KCNH5: variants seen among roughly 807,000 people sequenced by gnomAD.
KCNH5 encodes voltage-gated delayed rectifier potassium channel KCNH5.
In KCNH5, 46 loss-of-function variants were observed where a neutral mutation model predicts 96.1. The observed-to-expected ratio is 0.48, with a 90% CI of 0.38 to 0.61. KCNH5 has a LOEUF of 0.61. Among genes scored for constraint, KCNH5 ranks in the 20% least tolerant of loss-of-function variants. The pLI is 0.00. For missense variants in KCNH5, 907 were observed against 1,225.8 expected (o/e 0.74, Z 3.88); for synonymous variants, 439 against 449.8 (o/e 0.98, Z 0.30).
intron 6 of KCNH5, among the ~76,000 whole-genome samples, chr14:62,961,992 T>C (rs1486510633): frequency 1.3e-5 from 2 of 150,766 alleles, no homozygotes; most frequent in African/African-American, 2.5e-5. Context: ...GAGATGCAGA[T>C]GCAGATGGAG....
intron 8 of KCNH5, among the ~76,000 whole-genome samples, chr14:62,820,837 C>A (rs193119903): frequency 6.6e-6 from 1 of 151,944 alleles, no homozygotes; most frequent in African/African-American, 2.4e-5. Context: ...GATTTATATT[C>A]TTTGGGGTGT....
At chr14:62,884,265 G>A (rs1216786957) in intron 7 of KCNH5, among the ~76,000 whole-genome samples, 1 of 152,164 alleles carries the variant, frequency 6.6e-6, no homozygotes, top group Non-Finnish European at 1.5e-5. Flanking sequence ...ATTTCTCTGA[G>A]TCTGTGAATT....
rs146775781 is a variant in KCNH5 at position 62,991,789 on chromosome 14, A to C, written c.434-4602T>G. On this transcript the variant is annotated intron_variant, in intron 4 of 10. Coordinates refer to ENST00000322893, the MANE Select transcript of KCNH5 (RefSeq NM_139318.5). ...ACTGTCAGCACAAACCCCTGCCAAA[A>C]ATGTTATTGAAAAAAGCAGAAGCCA... Among the ~76,000 whole-genome samples, 1,254 of 152,122 alleles carry C rather than the reference A, an allele frequency of 8.2e-3. 39 individuals carry two copies. The highest frequency in any genetic ancestry group is 0.065 in the Admixed American group (983 of 15,216).
chr14:62,979,354 G>T (rs1056905510), intron 6 of KCNH5, among the ~76,000 whole-genome samples: 1 of 151,714 alleles, frequency 6.6e-6, no homozygotes, highest in African/African-American at 2.4e-5. Flanking sequence ...GAATTATTAT[G>T]ATTTTTTTCT....
intron 7 of KCNH5, among the ~76,000 whole-genome samples, chr14:62,875,415 G>C (rs1020784992): frequency 6.6e-6 from 1 of 152,170 alleles, no homozygotes. Context: ...CAAAGCTGGA[G>C]GCATCACTCT....
At chr14:62,710,893 A>T (rs1232306928) in intron 10 of KCNH5, among the ~76,000 whole-genome samples, 1 of 152,152 alleles carries the variant, frequency 6.6e-6, no homozygotes, top group Admixed American at 6.5e-5. Context: ...TTCAAATTTT[A>T]ATTTTACCTG....
chr14:62,736,609 T>C (rs1234284932), intron 10 of KCNH5, among the ~76,000 whole-genome samples: 3 of 152,036 alleles, frequency 2.0e-5, no homozygotes, highest in African/African-American at 7.2e-5. Context: ...TGCCCAAAGA[T>C]AAACTTGCCT....
chr14:62,801,101 C>CT (rs1408420932), intron 9 of KCNH5, among the ~76,000 whole-genome samples: 1 of 152,048 alleles, frequency 6.6e-6, no homozygotes. Flanking sequence ...AGGGTCATTT[C>CT]TTTTCCATTC....
chr14:62,997,708 T>A (rs1890931668), intron 4 of KCNH5, among the ~76,000 whole-genome samples: 1 of 151,448 alleles, frequency 6.6e-6, no homozygotes, highest in East Asian at 1.9e-4. Context: ...CCATCCTGGC[T>A]AACACAGTGA....
intron 10 of KCNH5, among the ~76,000 whole-genome samples, chr14:62,775,782 T>G (rs1566656714): frequency 6.6e-6 from 1 of 152,198 alleles, no homozygotes; most frequent in East Asian, 1.9e-4. Flanking sequence ...ATTAACACAC[T>G]TAAGGCCCCT....
intron 8 of KCNH5, among the ~76,000 whole-genome samples, chr14:62,835,355 G>A (rs984875093): frequency 6.6e-6 from 1 of 151,942 alleles, no homozygotes; most frequent in Non-Finnish European, 1.5e-5. Flanking sequence ...TATATTTGGT[G>A]TATTATTTTA....
chr14:62,715,601 T>C (rs1884667317), intron 10 of KCNH5, among the ~76,000 whole-genome samples: 2 of 152,224 alleles, frequency 1.3e-5, no homozygotes, highest in African/African-American at 2.4e-5. Context: ...AATTTAGATG[T>C]GCTTAGGGTA....
intron 7 of KCNH5, among the ~76,000 whole-genome samples, chr14:62,931,899 T>A (rs1215074609): frequency 6.6e-6 from 1 of 152,150 alleles, no homozygotes; most frequent in South Asian, 2.1e-4. Flanking sequence ...TCAGGGGTTA[T>A]GTGAAAGCTT....
At chr14:62,811,178 C>T (rs1352966550) in intron 8 of KCNH5, among the ~76,000 whole-genome samples, 1 of 152,132 alleles carries the variant, frequency 6.6e-6, no homozygotes, top group Non-Finnish European at 1.5e-5. Flanking sequence ...CAAATATTCT[C>T]AAGCTCCAAA....
intron 7 of KCNH5, among the ~76,000 whole-genome samples, chr14:62,915,851 C>A (rs1046794923): frequency 6.6e-6 from 1 of 152,116 alleles, no homozygotes; most frequent in Non-Finnish European, 1.5e-5. Flanking sequence ...TCATAACCCC[C>A]ACGTGATAAA....
At chr14:62,718,783 T>C (rs1038343561) in intron 10 of KCNH5, among the ~76,000 whole-genome samples, 2 of 152,222 alleles carry the variant, frequency 1.3e-5, no homozygotes, top group Non-Finnish European at 2.9e-5. Context: ...TCATTTATGA[T>C]AGCCAAAAAG....
chr14:62,971,609 C>T (rs529225332), intron 6 of KCNH5, among the ~76,000 whole-genome samples: 1 of 151,716 alleles, frequency 6.6e-6, no homozygotes, highest in East Asian at 1.9e-4. Context: ...TTAAGACTAA[C>T]TATAAAAGTA....
At chr14:62,911,040 A>T (rs2140100650) in intron 7 of KCNH5, among the ~76,000 whole-genome samples, 1 of 151,818 alleles carries the variant, frequency 6.6e-6, no homozygotes, top group South Asian at 2.1e-4. Flanking sequence ...CTCTTCCCTC[A>T]CTGAAATACA....
chr14:62,762,923 G>A (rs764313759), intron 10 of KCNH5, among the ~76,000 whole-genome samples: 2 of 152,130 alleles, frequency 1.3e-5, no homozygotes, highest in Non-Finnish European at 2.9e-5. Flanking sequence ...AAGAGACTTA[G>A]ATAACCACCC....
Sources: gnomAD v4.1 joint callset for allele counts (sites outside exome capture counted in the v4.1 genomes callset) on GRCh38, gnomAD v4.1.1 for gene constraint, MANE v1.5 for transcripts, NCBI Gene and HGNC (gene_info 2026-07-23, HGNC 2026-07-21) for gene names.